The following RBBP8 variants were observed in gnomAD, a reference collection of about 807,000 sequenced individuals.
The protein encoded by RBBP8 is RB binding protein 8, endonuclease.
A neutral mutation model predicts 108.3 loss-of-function variants in RBBP8; 88 were observed. The observed-to-expected ratio is 0.81, with a 90% confidence interval of 0.68 to 0.97. RBBP8 has a LOEUF of 0.97. Ranked by LOEUF, RBBP8 falls within the 50% of genes least tolerant of loss-of-function variation. The pLI, the probability that RBBP8 is intolerant of heterozygous loss-of-function variation, is 0.00. For synonymous variants in RBBP8, 332 were observed against 348.2 expected (o/e 0.95, Z 0.52); for missense variants, 1,023 against 1,049.0 (o/e 0.98, Z 0.34).
chr18:22,951,600 A>C (rs1350903902), intron 4 of RBBP8, among the ~76,000 whole-genome samples: 1 of 152,174 alleles, frequency 6.6e-6, no homozygotes, highest in Non-Finnish European at 1.5e-5. Context: ...TATCCTCTTA[A>C]TTCAATTCCT....
upstream of RBBP8, among the ~76,000 whole-genome samples, chr18:22,930,198 T>C (rs9948922): frequency 0.49 from 73,950 of 152,110 alleles, 21,287 homozygotes; most frequent in Middle Eastern, 0.65. Flanking sequence ...CCATTTTAAC[T>C]ATTTCACTAG....
intron 17 of RBBP8, among the ~76,000 whole-genome samples, chr18:23,020,921 T>C (rs1013771327): frequency 1.3e-5 from 2 of 152,230 alleles, no homozygotes; most frequent in Non-Finnish European, 2.9e-5. Context: ...GCAGTGAGAA[T>C]GATGAAAAAG....
chr18:23,000,779 C>CCATAACAT (rs2045934258), intron 14 of RBBP8, among the ~76,000 whole-genome samples: 1 of 151,254 alleles, frequency 6.6e-6, no homozygotes, highest in African/African-American at 2.4e-5. Context: ...ACATTTAAAG[C>CCATAACAT]CATAACATAA....
At chr18:22,967,422 G>A (rs113737157) in intron 4 of RBBP8, among the ~76,000 whole-genome samples, 1 of 151,798 alleles carries the variant, frequency 6.6e-6, no homozygotes, top group African/African-American at 2.4e-5. Context: ...TTAACGTGGG[G>A]TATGTGTCTC....
intron 4 of RBBP8, among the ~76,000 whole-genome samples, chr18:22,963,289 G>A (rs538522243): frequency 3.3e-5 from 5 of 151,662 alleles, no homozygotes; most frequent in Non-Finnish European, 7.4e-5. Context: ...CCTATGTAGT[G>A]TATAATAATT....
At chr18:22,987,061 C>T (rs1915381391) in intron 8 of RBBP8, among the ~76,000 whole-genome samples, 1 of 152,202 alleles carries the variant, frequency 6.6e-6, no homozygotes, top group Admixed American at 6.5e-5. Flanking sequence ...AATAATCCCC[C>T]TTTTAATAAT....
At chr18:23,010,109 A>G (rs2046130115) in intron 16 of RBBP8, among the ~76,000 whole-genome samples, 2 of 152,178 alleles carry the variant, frequency 1.3e-5, no homozygotes, top group Non-Finnish European at 2.9e-5. Flanking sequence ...AGTTGTATAT[A>G]GCGATATTCC....
At chr18:23,024,433 A>G (rs1177026917) in intron 18 of RBBP8, among the ~76,000 whole-genome samples, 7 of 152,350 alleles carry the variant, frequency 4.6e-5, no homozygotes, top group Non-Finnish European at 8.8e-5. Context: ...TACCAAGTGT[A>G]CTTGAATGAA....
At position 23,026,371 on chromosome 18, in the gene RBBP8, A is replaced by G. The variant is rs2046451765; in HGVS notation, c.*131A>G. 4 of 870,948 alleles carry G rather than the reference A, an allele frequency of 4.6e-6. No individual in the cohort carries two copies. Among genetic ancestry groups the G allele is most frequent in the East Asian group, 2.8e-5 (1 of 36,320 alleles). The allele number at this position is 870,948 out of a possible 1,614,324, so 54.0% of individuals were successfully genotyped here. ...TTTATAAATCAGTTTTCTATTGAAA[A>G]TGTTTGTGATATTTTGCTTTTGCAC... On this transcript the variant is annotated 3_prime_UTR_variant, in exon 19 of 19. Coordinates refer to ENST00000327155, the MANE Select transcript of RBBP8 (RefSeq NM_002894.3).
chr18:23,000,151 G>A (rs2045923513), intron 14 of RBBP8, among the ~76,000 whole-genome samples: 1 of 152,202 alleles, frequency 6.6e-6, no homozygotes, highest in African/African-American at 2.4e-5. Flanking sequence ...ATGATGGTAA[G>A]TCCAGGAGAA....
intron 1 of RBBP8, chr18:22,914,408 T>C (rs1909275325): frequency 6.6e-6 from 1 of 152,220 alleles, no homozygotes; most frequent in African/African-American, 2.4e-5. Context: ...TAGTAATACC[T>C]GCATTATACC....
intron 6 of RBBP8, among the ~76,000 whole-genome samples, chr18:22,977,533 T>C (rs1314721618): frequency 6.6e-6 from 1 of 152,108 alleles, no homozygotes; most frequent in Non-Finnish European, 1.5e-5. Flanking sequence ...ATAGATGTGA[T>C]GGGTCAGTGA....
intron 5 of RBBP8, among the ~76,000 whole-genome samples, chr18:22,970,244 G>A (rs1913972420): frequency 6.6e-6 from 1 of 152,018 alleles, no homozygotes; most frequent in South Asian, 2.1e-4. Context: ...CACAGATTTA[G>A]AACTCACAGA....
In RBBP8 at chr18:22,946,492, T is replaced by C. The variant is rs750534491; in HGVS notation, c.152+6T>C. 2.5e-6 allele frequency: 4 copies of C among 1,612,318 alleles called. No individual in the cohort carries two copies. The African/African-American group carries it at 5.3e-5, about 22-fold the overall frequency. ...CTAAAACAGGAACGAATCTTGTAAG[T>C]ATCAGTATGTAATACTCATGTGTTA... On this transcript the variant is annotated splice_donor_region_variant and intron_variant, in intron 3 of 18. Transcript: ENST00000327155.
At chr18:23,025,986 CTAAA>C (rs1205279494) in intron 18 of RBBP8, among the ~76,000 whole-genome samples, 153 bp from the exon 19 acceptor site, 5 of 152,108 alleles carry the variant, frequency 3.3e-5, no homozygotes, top group Non-Finnish European at 2.9e-5. Flanking sequence ...GAAACTGATG[CTAAA>C]TAGTGAGATC....
intron 2 of RBBP8, among the ~76,000 whole-genome samples, chr18:22,937,553 G>A (rs1046159430): frequency 1.3e-5 from 2 of 150,438 alleles, no homozygotes; most frequent in African/African-American, 4.9e-5. Context: ...GTAGTGGTGT[G>A]ATCACAGCTC....
intron 2 of RBBP8, among the ~76,000 whole-genome samples, chr18:22,945,717 T>G (rs1911505501): frequency 6.6e-6 from 1 of 152,220 alleles, no homozygotes; most frequent in South Asian, 2.1e-4. Flanking sequence ...ATATTGGGTT[T>G]TATAATTTTT....
At chr18:23,023,886 T>TTTTC (rs1568011603) in intron 18 of RBBP8, among the ~76,000 whole-genome samples, 4 of 143,164 alleles carry the variant, frequency 2.8e-5, no homozygotes, top group Non-Finnish European at 6.1e-5. Context: ...TTTTTTTTTT[T>TTTTC]TTTTGAGATG....
intron 6 of RBBP8, among the ~76,000 whole-genome samples, chr18:22,976,192 T>A (rs1914485503): frequency 6.6e-6 from 1 of 152,134 alleles, no homozygotes; most frequent in Admixed American, 6.5e-5. Context: ...GGATAATGGA[T>A]ATCCAATAGA....
Sources: allele counts gnomAD v4.1 joint callset (sites outside exome capture counted in the v4.1 genomes callset), GRCh38; gene constraint gnomAD v4.1.1; transcripts MANE v1.5; gene names NCBI Gene and HGNC (gene_info 2026-07-23, HGNC 2026-07-21).